Variants in WDFY3 observed in about 807,000 individuals in gnomAD.
WDFY3 encodes WD repeat and FYVE domain containing 3, also known as WD repeat and FYVE domain-containing protein 3.
Under a neutral mutation model 409.6 loss-of-function variants are expected in WDFY3, and 66 were observed. That is an observed-to-expected ratio of 0.16 (90% CI 0.13 to 0.20). WDFY3 has a LOEUF of 0.20. WDFY3 is among the 10% of genes least tolerant of loss of function. The probability of loss-of-function intolerance (pLI) is 1.00; values close to 1 mark genes in which losing one functional copy is unlikely to be tolerated. For missense variants in WDFY3, 3,031 were observed against 4,298.1 expected (o/e 0.71, Z 8.24); for synonymous variants, 1,521 against 1,537.1 (o/e 0.99, Z 0.25).
chr4:84,743,571 T>C (rs1738825683), intron 37 of WDFY3, 129 bp downstream of exon 37: 2 of 498,424 alleles, frequency 4.0e-6, no homozygotes, highest in Admixed American at 8.8e-5. Flanking sequence ...ATCTCACAAA[T>C]ATAATGTTGA....
chr4:84,761,742 C>A (rs1349936514), intron 32 of WDFY3, among the ~76,000 whole-genome samples: 1 of 152,060 alleles, frequency 6.6e-6, no homozygotes, highest in Non-Finnish European at 1.5e-5. Flanking sequence ...CCAGAATCTA[C>A]AACGAACTCA....
chr4:84,856,640 A>G (rs1174941715), intron 4 of WDFY3, among the ~76,000 whole-genome samples: 2 of 152,170 alleles, frequency 1.3e-5, no homozygotes, highest in Non-Finnish European at 2.9e-5. Flanking sequence ...GGCCCAGAAA[A>G]AAGACTTAAT....
intron 3 of WDFY3, among the ~76,000 whole-genome samples, chr4:84,884,430 C>T (rs1204940208): frequency 6.6e-6 from 1 of 151,858 alleles, no homozygotes; most frequent in Non-Finnish European, 1.5e-5. Flanking sequence ...AAGAATAACT[C>T]ATTTAATTTC....
chr4:84,879,212 C>A (rs113176785), intron 3 of WDFY3, among the ~76,000 whole-genome samples: 6 of 152,292 alleles, frequency 3.9e-5, no homozygotes, highest in African/African-American at 1.4e-4. Flanking sequence ...TCCCTGGACA[C>A]ACCATGCAAT....
At chr4:84,757,586 T>G (rs1741681658) in intron 32 of WDFY3, among the ~76,000 whole-genome samples, 3 of 152,268 alleles carry the variant, frequency 2.0e-5, no homozygotes, top group South Asian at 2.1e-4. Context: ...TGATATATTT[T>G]TATTTTTTTG....
At chr4:84,699,925 G>A (rs1426826415) in intron 56 of WDFY3, among the ~76,000 whole-genome samples, 1 of 151,078 alleles carries the variant, frequency 6.6e-6, no homozygotes, top group Non-Finnish European at 1.5e-5. Context: ...TTGTTGTTGA[G>A]TTATAAAAGT....
chr4:84,735,037 C>T lies in WDFY3; in HGVS notation c.6993+6G>A, dbSNP rs1280534170. ...ACAAACCATTATGATGATTATAAGT[C>T]CTTACCTCCTGATATTCTTTATATT... On this transcript the variant is annotated splice_donor_region_variant and intron_variant, in intron 43 of 67. Transcript: ENST00000295888. 1 of 1,609,024 alleles carries T rather than the reference C, an allele frequency of 6.2e-7. No individual in the cohort carries two copies. The highest frequency in any genetic ancestry group is 1.1e-5 in the South Asian group (1 of 90,664).
rs563271032 is a variant in WDFY3 at position 84,732,891 on chromosome 4, T to C, written c.7221+491A>G. 7.9e-5 allele frequency among the ~76,000 whole-genome samples: 12 copies of C among 152,236 alleles called. No individual in the cohort carries two copies. The East Asian group carries it at 2.1e-3, about 27-fold the overall frequency. Reference sequence around the variant, plus strand: ...GTTTGTCAGAGAAAAACAAGAGGCATTGGAACAATTCAAGCTGCCTCACCT... The same window carrying C: ...GTTTGTCAGAGAAAAACAAGAGGCACTGGAACAATTCAAGCTGCCTCACCT... On this transcript the variant is annotated intron_variant, in intron 44 of 67. Coordinates refer to ENST00000295888, the MANE Select transcript of WDFY3 (RefSeq NM_014991.6).
intron 3 of WDFY3, among the ~76,000 whole-genome samples, chr4:84,861,986 C>T (rs1760711185): frequency 6.6e-6 from 1 of 152,168 alleles, no homozygotes; most frequent in Admixed American, 6.5e-5. Flanking sequence ...CAGGCAACAC[C>T]TGAGATTAAT....
intron 32 of WDFY3, among the ~76,000 whole-genome samples, chr4:84,765,204 C>T (rs866673099): frequency 1.3e-5 from 2 of 152,102 alleles, no homozygotes; most frequent in South Asian, 4.1e-4. Flanking sequence ...TGAATGGAAA[C>T]ATATGAGTTC....
At chr4:84,718,631 A>C in intron 47 of WDFY3, 61 bp from the exon 48 acceptor site, 1 of 1,569,270 alleles carries the variant, frequency 6.4e-7, no homozygotes, top group Non-Finnish European at 8.6e-7. Flanking sequence ...AATTTTTGTT[A>C]GACTACTACG....
intron 15 of WDFY3, among the ~76,000 whole-genome samples, chr4:84,806,684 G>A (rs1751563150): frequency 1.3e-5 from 2 of 152,148 alleles, no homozygotes; most frequent in Admixed American, 6.5e-5. Flanking sequence ...TCGGCTCACT[G>A]CAACCTCCGC....
chr4:84,708,151 T>C (rs1838037), intron 53 of WDFY3, among the ~76,000 whole-genome samples: 5,914 of 152,336 alleles, frequency 0.039, 350 homozygotes, highest in African/African-American at 0.13. Context: ...AATATTCATA[T>C]GCATCTATGT....
At chr4:84,866,722 G>A (rs1235833705) in intron 3 of WDFY3, among the ~76,000 whole-genome samples, 3 of 152,182 alleles carry the variant, frequency 2.0e-5, no homozygotes, top group African/African-American at 7.2e-5. Flanking sequence ...CTCCCACCCT[G>A]TGGAGTGCTT....
chr4:84,831,477 A>C lies in WDFY3; in HGVS notation c.705T>G (p.Ala235=). ...GAGATATGGTCATGAGGACTTCTCC[A>C]GCACTCTTTCTCCAAGGCAGGTTAT... The part of the protein sequence containing the change: ...PPYNLPWRKS[A]GEVLMTISRH... Residue 235 remains alanine, a synonymous_variant, in exon 8 of 68, where the codon GCT becomes GCG. Transcript: ENST00000295888. The C allele has an allele frequency of 6.2e-7, 1 of 1,614,096 alleles. No homozygotes were observed. The highest frequency in any genetic ancestry group is 8.5e-7 in the Non-Finnish European group (1 of 1,179,998).
intron 2 of WDFY3, among the ~76,000 whole-genome samples, chr4:84,925,855 G>T (rs980989728): frequency 6.6e-6 from 1 of 151,936 alleles, no homozygotes; most frequent in African/African-American, 2.4e-5. Context: ...TATTCCACAA[G>T]AATATATGTG....
At chr4:84,762,892 G>A (rs1234962846) in intron 32 of WDFY3, among the ~76,000 whole-genome samples, 5 of 152,024 alleles carry the variant, frequency 3.3e-5, no homozygotes, top group African/African-American at 7.2e-5. Flanking sequence ...TGGGAGGACT[G>A]CTTGAGCCCA....
chr4:84,727,824 T>G (rs1391818449), intron 44 of WDFY3, among the ~76,000 whole-genome samples: 1 of 152,210 alleles, frequency 6.6e-6, no homozygotes, highest in Admixed American at 6.5e-5. Context: ...TTACAAATAC[T>G]TCACATGGTT....
At chr4:84,966,039 C>G (rs904702973) in intron 1 of WDFY3, among the ~76,000 whole-genome samples, 170 bp downstream of exon 1, 8 of 151,928 alleles carry the variant, frequency 5.3e-5, no homozygotes. Flanking sequence ...AAGGCGGACC[C>G]TGGGGAGGAC....
Sources: gnomAD v4.1 joint callset for allele counts (sites outside exome capture counted in the v4.1 genomes callset) on GRCh38, gnomAD v4.1.1 for gene constraint, MANE v1.5 for transcripts, NCBI Gene and HGNC (gene_info 2026-07-23, HGNC 2026-07-21) for gene names.